RARS1: variants seen among roughly 807,000 people sequenced by gnomAD.
RARS1 encodes arginyl-tRNA synthetase 1.
RARS1 carries 75 observed loss-of-function variants against 78.7 expected under a neutral mutation model. That is an observed-to-expected ratio of 0.95 (90% confidence interval 0.79 to 1.15). The LOEUF is 1.15. RARS1 is among the 50% of genes most tolerant of loss of function. The pLI is 0.00. For missense variants in RARS1, 787 were observed against 787.5 expected, an observed-to-expected ratio of 1.00 and a Z score of 0.01; for synonymous variants, 273 against 268.2, an observed-to-expected ratio of 1.02 and a Z score of -0.18.
intron 2 of RARS1, among the ~76,000 whole-genome samples, chr5:168,492,431 A>C (rs557638231): frequency 1.3e-5 from 2 of 152,234 alleles, no homozygotes; most frequent in Non-Finnish European, 2.9e-5. Context: ...AAACAAATGC[A>C]AAAAGTAAGA....
intron 12 of RARS1, among the ~76,000 whole-genome samples, chr5:168,512,772 C>T (rs1185119573): frequency 1.3e-5 from 2 of 152,110 alleles, no homozygotes; most frequent in African/African-American, 4.8e-5. Context: ...TAGATGCTGC[C>T]CACCCAATTA....
chr5:168,519,155 G>A lies in RARS1; in HGVS notation c.1948G>A (p.Asp650Asn), dbSNP rs1377540108. 1.2e-6 allele frequency: 2 copies of A among 1,613,870 alleles called. No individual in the cohort carries two copies. Among genetic ancestry groups the A allele is most frequent in the Non-Finnish European group, 1.7e-6 (2 of 1,179,788 alleles). The change falls in exon 15 of 15, where the codon GAT becomes AAT. Residue 650 changes from aspartate (D) to asparagine (N), a missense_variant. Coordinates refer to ENST00000231572, the MANE Select transcript of RARS1 (RefSeq NM_002887.4). ...AGCTGCTGTCATGGCCAAGGGGTTT[G>A]ATATCCTGGGAATAAAACCTGTCCA... ...AVAAVMAKGF[D>N]ILGIKPVQRM
chr5:168,495,040 A>T, intron 5 of RARS1: 1 of 379,590 alleles, frequency 2.6e-6, no homozygotes, highest in Non-Finnish European at 4.3e-6. Flanking sequence ...AAGGCATTTG[A>T]GGTAGCCAAT....
chr5:168,506,914 G>A, intron 11 of RARS1, 83 bp downstream of exon 11: 1 of 1,136,162 alleles, frequency 8.8e-7, no homozygotes, highest in South Asian at 1.3e-5. Flanking sequence ...TTAGAATTAA[G>A]AAAGTCCACA....
At chr5:168,509,849 T>A (rs1561826617) in intron 11 of RARS1, among the ~76,000 whole-genome samples, 2 of 152,098 alleles carry the variant, frequency 1.3e-5, no homozygotes, top group Non-Finnish European at 2.9e-5. Context: ...CTCGCACCTA[T>A]AGAATTAGCT....
At chr5:168,494,692 C>A (rs113072198) in intron 5 of RARS1, 42 bp downstream of exon 5, 28 of 1,333,226 alleles carry the variant, frequency 2.1e-5, no homozygotes, top group African/African-American at 1.0e-4. Flanking sequence ...TATCTTAGAA[C>A]TGCGTGGAAC....
intron 9 of RARS1, among the ~76,000 whole-genome samples, chr5:168,502,361 A>T (rs1758344377): frequency 7.5e-6 from 1 of 133,580 alleles, no homozygotes; most frequent in African/African-American, 2.9e-5. Context: ...TATAATAACA[A>T]ATATATATAT....
chr5:168,492,948 GA>G, intron 3 of RARS1, 101 bp downstream of exon 3: 1 of 1,126,798 alleles, frequency 8.9e-7, no homozygotes, highest in Non-Finnish European at 1.2e-6. Context: ...TATCCTTAGT[GA>G]AAAGGACATT....
At chr5:168,512,547 T>G (rs1457016181) in intron 12 of RARS1, among the ~76,000 whole-genome samples, 1 of 152,204 alleles carries the variant, frequency 6.6e-6, no homozygotes, top group Non-Finnish European at 1.5e-5. Context: ...GGATGTTTAT[T>G]AAGTATTAAC....
chr5:168,489,950 GATTACAGGC>G lies in RARS1; in HGVS notation c.180+1217_180+1225del, dbSNP rs200646191. Among the ~76,000 whole-genome samples the G allele has an allele frequency of 2.0e-5, 3 of 152,086 alleles. No homozygotes were observed. The East Asian group carries it at 5.8e-4, about 29-fold the overall frequency. On this transcript the variant is annotated intron_variant, in intron 2 of 14. Transcript: ENST00000231572. ...CTGCCTCAGCCTCCCCAGTAGCTGG[GATTACAGGC>G]ATGCACCACCACACCTGGTTAATTT...
chr5:168,499,927 C>T (rs1045145556), intron 7 of RARS1, among the ~76,000 whole-genome samples: 3 of 152,126 alleles, frequency 2.0e-5, no homozygotes, highest in African/African-American at 7.2e-5. Context: ...GTGGCTCACA[C>T]CTGTAATCCC....
intron 2 of RARS1, among the ~76,000 whole-genome samples, chr5:168,491,036 C>G (rs921240151): frequency 2.6e-5 from 4 of 152,178 alleles, no homozygotes; most frequent in Admixed American, 1.3e-4. Context: ...ACTTGGGAGG[C>G]TGAGGCATGA....
intron 12 of RARS1, among the ~76,000 whole-genome samples, chr5:168,513,517 AC>A (rs1758606385): frequency 6.6e-6 from 1 of 152,036 alleles, no homozygotes; most frequent in Admixed American, 6.6e-5. Flanking sequence ...ATGAGGTTTC[AC>A]CATGTTGGCC....
At chr5:168,488,847 G>A (rs1758022514) in intron 2 of RARS1, 111 bp downstream of exon 2, 7 of 1,273,836 alleles carry the variant, frequency 5.5e-6, no homozygotes, top group Non-Finnish European at 7.5e-6. Context: ...TGGAAAAGAA[G>A]CATAGAAACC....
intron 9 of RARS1, among the ~76,000 whole-genome samples, chr5:168,505,559 C>G (rs143849735): frequency 3.9e-5 from 6 of 152,060 alleles, no homozygotes; most frequent in African/African-American, 1.4e-4. Context: ...CTGGTCCTAC[C>G]GAGCTGATGG....
chr5:168,497,178 A>C, intron 6 of RARS1, 50 bp from the exon 7 acceptor site: 1 of 1,304,816 alleles, frequency 7.7e-7, no homozygotes, highest in South Asian at 2.0e-5. Flanking sequence ...ATTTAACTTA[A>C]CCATCTTTAT....
At chr5:168,505,295 A>G (rs554181782) in intron 9 of RARS1, among the ~76,000 whole-genome samples, 5 of 152,176 alleles carry the variant, frequency 3.3e-5, no homozygotes, top group Admixed American at 2.6e-4. Flanking sequence ...AATAGCTGCT[A>G]CTGTTATCAT....
intron 8 of RARS1, 63 bp from the exon 9 acceptor site, chr5:168,501,938 T>C: frequency 1.3e-6 from 2 of 1,548,582 alleles, no homozygotes. Context: ...GTAAGATGCA[T>C]GTTTCCTGTT....
At chr5:168,497,922 G>T (rs1758231232) in intron 7 of RARS1, 1 of 151,556 alleles carries the variant, frequency 6.6e-6, no homozygotes, top group South Asian at 2.1e-4. Context: ...TTGTTTATTG[G>T]CGTATGTTAA....
Sources: allele counts gnomAD v4.1 joint callset (sites outside exome capture counted in the v4.1 genomes callset), GRCh38; gene constraint gnomAD v4.1.1; transcripts MANE v1.5; gene names NCBI Gene and HGNC (gene_info 2026-07-23, HGNC 2026-07-21).